The following PTPRD variants were observed in gnomAD, a reference collection of about 807,000 sequenced individuals.
PTPRD encodes receptor-type tyrosine-protein phosphatase delta.
In PTPRD, 34 loss-of-function variants were observed where a neutral mutation model predicts 214.5. The ratio of observed to expected loss-of-function variants is 0.16; its 90% CI spans 0.12 to 0.21. The LOEUF is 0.21. PTPRD is among the 10% of genes least tolerant of loss of function. PTPRD has a pLI of 1.00. For synonymous variants in PTPRD, 1,128 were observed against 845.7 expected (o/e 1.33, Z -5.79); for missense variants, 2,545 against 2,398.7 (o/e 1.06, Z -1.27).
intron 10 of PTPRD, among the ~76,000 whole-genome samples, chr9:9,093,795 G>T (rs1006140245): frequency 2.6e-5 from 4 of 151,458 alleles, no homozygotes; most frequent in African/African-American, 9.7e-5. Context: ...AGAAAGGGAA[G>T]AGCAAGCAGA....
At chr9:9,848,323 A>T (rs1367979212) in intron 5 of PTPRD, among the ~76,000 whole-genome samples, 1 of 152,178 alleles carries the variant, frequency 6.6e-6, no homozygotes, top group Admixed American at 6.6e-5. Context: ...GTAAATAAAG[A>T]AACATGGCCA....
intron 2 of PTPRD, among the ~76,000 whole-genome samples, chr9:10,460,975 T>C (rs1394843121): frequency 1.3e-5 from 2 of 152,020 alleles, no homozygotes; most frequent in Non-Finnish European, 2.9e-5. Flanking sequence ...GGAAAAAACA[T>C]ATTTTCAAAC....
At chr9:8,696,021 A>C (rs113603216) in intron 12 of PTPRD, among the ~76,000 whole-genome samples, 225 of 152,346 alleles carry the variant, frequency 1.5e-3, no homozygotes, top group Middle Eastern at 0.014. Context: ...GATTGCTCAG[A>C]AACTCCAGTA....
intron 5 of PTPRD, among the ~76,000 whole-genome samples, chr9:9,913,438 T>C (rs1231189178): frequency 6.6e-6 from 1 of 152,002 alleles, no homozygotes; most frequent in Non-Finnish European, 1.5e-5. Flanking sequence ...TCAAGATGGC[T>C]GACTACAGAT....
chr9:8,605,987 G>A (rs991669861), intron 14 of PTPRD, among the ~76,000 whole-genome samples: 2 of 151,866 alleles, frequency 1.3e-5, no homozygotes, highest in African/African-American at 4.8e-5. Context: ...CGAGGGGTGG[G>A]GATGTACATC....
intron 35 of PTPRD, among the ~76,000 whole-genome samples, chr9:8,428,197 CG>C (rs1305374352): frequency 1.3e-5 from 2 of 152,104 alleles, no homozygotes; most frequent in African/African-American, 4.8e-5. Flanking sequence ...GTAGAAAGCC[CG>C]GAGTGGCAGG....
At chr9:9,333,370 G>A (rs1247791685) in intron 9 of PTPRD, among the ~76,000 whole-genome samples, 1 of 150,902 alleles carries the variant, frequency 6.6e-6, no homozygotes, top group South Asian at 2.1e-4. Flanking sequence ...GGGAGAGGAT[G>A]GAGTAAAGAC....
chr9:8,975,097 C>A (rs1201449094), intron 11 of PTPRD, among the ~76,000 whole-genome samples: 914 of 115,938 alleles, frequency 7.9e-3, no homozygotes, highest in Non-Finnish European at 8.6e-3. Context: ...AACTCTGTCT[C>A]AAAAAAAAAA....
At chr9:9,375,557 C>G (rs920658818) in intron 9 of PTPRD, among the ~76,000 whole-genome samples, 1 of 152,140 alleles carries the variant, frequency 6.6e-6, no homozygotes, top group Non-Finnish European at 1.5e-5. Flanking sequence ...GATTGCGCCA[C>G]TGCACTCTAG....
chr9:9,643,270 T>G (rs1465127215), intron 7 of PTPRD, among the ~76,000 whole-genome samples: 1 of 152,146 alleles, frequency 6.6e-6, no homozygotes, highest in Non-Finnish European at 1.5e-5. Context: ...TAATAGAATC[T>G]TGATGACAAA....
intron 14 of PTPRD, among the ~76,000 whole-genome samples, chr9:8,552,285 A>C (rs943708460): frequency 1.3e-5 from 2 of 152,176 alleles, no homozygotes; most frequent in African/African-American, 4.8e-5. Flanking sequence ...CTCTGGGAAA[A>C]ATCATTGTAT....
At chr9:8,768,138 T>C (rs1317032077) in intron 11 of PTPRD, among the ~76,000 whole-genome samples, 2 of 152,332 alleles carry the variant, frequency 1.3e-5, no homozygotes, top group Admixed American at 6.5e-5. Context: ...CTCACATCTA[T>C]AATACCAACA....
intron 8 of PTPRD, among the ~76,000 whole-genome samples, chr9:9,486,947 G>A (rs1225896981): frequency 6.6e-6 from 1 of 152,236 alleles, no homozygotes; most frequent in East Asian, 1.9e-4. Flanking sequence ...CAAATGGCAA[G>A]TTCTCAAACT....
chr9:8,514,687 T>C (rs568741168), intron 21 of PTPRD, among the ~76,000 whole-genome samples: 4 of 152,198 alleles, frequency 2.6e-5, no homozygotes, highest in Admixed American at 6.6e-5. Context: ...TTTTCATTAT[T>C]GAATACCTAC....
At chr9:9,564,111 G>C (rs555695635) in intron 8 of PTPRD, among the ~76,000 whole-genome samples, 20 of 152,244 alleles carry the variant, frequency 1.3e-4, no homozygotes, top group African/African-American at 4.6e-4. Context: ...CCTCCCAAGA[G>C]TGTATTTAAT....
At chr9:8,948,010 G>A (rs1405280035) in intron 11 of PTPRD, among the ~76,000 whole-genome samples, 1 of 134,872 alleles carries the variant, frequency 7.4e-6, no homozygotes, top group Non-Finnish European at 1.6e-5. Context: ...CAGAGTCTGG[G>A]CTCTCTCTCT....
At chr9:8,782,840 C>G (rs1470074952) in intron 11 of PTPRD, among the ~76,000 whole-genome samples, 1 of 152,108 alleles carries the variant, frequency 6.6e-6, no homozygotes, top group Admixed American at 6.6e-5. Flanking sequence ...GTGATCTGCC[C>G]TCCTTGGCCC....
chr9:9,348,618 G>T lies in PTPRD; in HGVS notation c.-203+48831C>A, dbSNP rs143460631. Among the ~76,000 whole-genome samples the T allele has an allele frequency of 2.4e-3, 369 of 152,118 alleles. 1 individual carries two copies. The highest frequency in any genetic ancestry group is 8.6e-3 in the African/African-American group (356 of 41,518). On this transcript the variant is annotated intron_variant, in intron 9 of 45. Coordinates refer to ENST00000381196, the MANE Select transcript of PTPRD (RefSeq NM_002839.4). The stretch of plus-strand genomic sequence containing the variant: ...GACACACTGTGTAATGGGACGTTGG[G>T]GACAGGAGTTGGGGTAAGAGTTTGT...
chr9:10,498,294 A>T (rs924781444), intron 2 of PTPRD, among the ~76,000 whole-genome samples: 1 of 152,054 alleles, frequency 6.6e-6, no homozygotes, highest in Non-Finnish European at 1.5e-5. Context: ...TGAACAAAAC[A>T]ATCAAGTTAC....
Sources: gnomAD v4.1 joint callset for allele counts (sites outside exome capture counted in the v4.1 genomes callset) on GRCh38, gnomAD v4.1.1 for gene constraint, MANE v1.5 for transcripts, NCBI Gene and HGNC (gene_info 2026-07-23, HGNC 2026-07-21) for gene names.